The following NOX1 variants were observed in gnomAD, a reference collection of about 807,000 sequenced individuals.
The protein encoded by NOX1 is NADPH oxidase 1.
In NOX1, 34 loss-of-function variants were observed where a neutral mutation model predicts 42.5. The ratio of observed to expected loss-of-function variants is 0.80; its 90% CI spans 0.61 to 1.07. The LOEUF (loss-of-function observed/expected upper bound fraction) is 1.07, where lower values mean the gene tolerates loss of function less well. Among genes scored for constraint, NOX1 ranks in the 50% least tolerant of loss-of-function variants. The pLI is 0.00. For synonymous variants in NOX1, 143 were observed against 152.5 expected (o/e 0.94, Z 0.46); for missense variants, 408 against 427.0 (o/e 0.96, Z 0.39).
chrX:100,853,242 TTTCCTTCCTTCCTTCC>T (rs746546716), intron 7 of NOX1, among the ~76,000 whole-genome samples: 4 of 57,648 alleles, frequency 6.9e-5, no homozygotes, highest in Non-Finnish European at 1.2e-4. Flanking sequence ...TTTTTCTTTC[TTTCCTTCCTTCCTTCC>T]TTCCTTTCTT....
intron 8 of NOX1, 138 bp downstream of exon 8, chrX:100,851,095 C>T (rs2085111359): frequency 7.6e-6 from 3 of 393,970 alleles, no homozygotes; most frequent in Non-Finnish European, 1.3e-5. Flanking sequence ...CCTCCTTGGC[C>T]TCCCAAAGTG....
In NOX1 at chrX:100,855,750, C is replaced by T. The variant is rs139641396; in HGVS notation, c.805-4425G>A. ...GCCACCATGACCACTGAAGTTTCCT[C>T]CACAACCAAAGTTTTCATTCCCACC... On this transcript the variant is annotated intron_variant, in intron 7 of 12. Coordinates refer to ENST00000372966, the MANE Select transcript of NOX1 (RefSeq NM_007052.5). 8.4e-3 allele frequency: 8,661 copies of T among 1,035,482 alleles called. 31 individuals are homozygous for T. Among genetic ancestry groups the T allele is most frequent in the Non-Finnish European group, 0.01 (7,795 of 747,660 alleles). The allele number at this position is 1,035,482 out of a possible 1,213,427, so 85.3% of individuals were successfully genotyped here. A position where few individuals can be genotyped will look rare whatever the true frequency, so the allele number is the denominator to read the frequency against.
rs376946278 is a variant in NOX1, at chrX:100,862,769, C to A, written c.389G>T (p.Arg130Leu). 5 of 1,198,301 alleles carry A rather than the reference C, an allele frequency of 4.2e-6. No individual in the cohort carries two copies. The highest frequency in any genetic ancestry group is 2.4e-5 in the Admixed American group (1 of 42,246). Residue 130 changes from arginine to leucine, a missense_variant, in exon 5 of 13, where the codon CGA becomes CTA. Coordinates refer to ENST00000372966, the MANE Select transcript of NOX1 (RefSeq NM_007052.5). ...GGCAAGGGAGCCATCTGTGGCCTGT[C>A]GGCTTCTGCTATAGCAGTCAAAGTT... The part of the protein sequence containing the change: ...LFNFDCYSRS[R>L]QATDGSLASI...
At chrX:100,871,743 A>G (rs912817771) in intron 1 of NOX1, among the ~76,000 whole-genome samples, 6 of 111,283 alleles carry the variant, frequency 5.4e-5, no homozygotes, top group African/African-American at 2.0e-4. Flanking sequence ...GCGCTAGTAT[A>G]TATCCCTCGC....
At chrX:100,857,711 CTT>C (rs111819752) in intron 7 of NOX1, among the ~76,000 whole-genome samples, 6,132 of 93,837 alleles carry the variant, frequency 0.065, 454 homozygotes, top group African/African-American at 0.22. Flanking sequence ...CCTTTGCCCA[CTT>C]TTTTTTTTTT....
rs775931157 is a variant in NOX1, at chrX:100,862,474, G to A, written c.589C>T (p.Arg197Trp). 2.1e-5 allele frequency: 25 copies of A among 1,206,619 alleles called. No homozygotes were observed. The highest frequency in any genetic ancestry group is 2.4e-5 in the Non-Finnish European group (21 of 892,218). ...LMVTSATEFI[R>W]RSYFEVFWYT... ...CAGAAGACTTCAAAATAACTCCTCC[G>A]GATGAACTCAGTAGCTGAAGTTACC... Residue 197 changes from arginine (R) to tryptophan (W), a missense_variant, in exon 6 of 13, where the codon CGG becomes TGG. By Grantham distance (101) the Arg-to-Trp change is moderately radical. Coordinates refer to ENST00000372966, the MANE Select transcript of NOX1 (RefSeq NM_007052.5).
Position 100,849,495 on chromosome X carries a change from C to T in NOX1, c.1297-69G>A, listed in dbSNP as rs1472059116. 6 of 1,058,450 alleles carry T rather than the reference C, an allele frequency of 5.7e-6. No homozygotes were observed. In the African/African-American group the frequency reaches 7.5e-5, roughly 13 times the overall value. 87.2% of individuals were successfully genotyped at this position (1,058,450 alleles called of 1,213,427 possible). ...AAAGTCACATTTATAGAGCCGCAAA[C>T]TTTAGGCAGCAGGAATGTTCAGAGT... is the stretch of plus-strand genomic sequence containing the variant. On this transcript the variant is annotated intron_variant, in intron 10 of 12. Transcript: ENST00000372966.
intron 12 of NOX1, among the ~76,000 whole-genome samples, chrX:100,844,617 G>A (rs2085059845): frequency 9.1e-6 from 1 of 110,416 alleles, no homozygotes; most frequent in African/African-American, 3.3e-5. Flanking sequence ...ATTTTTATTA[G>A]AGATGGGGTT....
chrX:100,853,317 T>TCTTTCTTC (rs2085137838), intron 7 of NOX1, among the ~76,000 whole-genome samples: 1 of 73,872 alleles, frequency 1.4e-5, no homozygotes, highest in Non-Finnish European at 2.8e-5. Flanking sequence ...TTTCTTTCTT[T>TCTTTCTTC]CTTTCTCTCT....
In NOX1 at chrX:100,858,557, C is replaced by A. The variant is rs933206802; in HGVS notation, c.804+3614G>T. The stretch of plus-strand genomic sequence containing the variant: ...TTTTAATGATATTGATTCTTCCTAT[C>A]CATTAGTATGGAATGTTTTTCCATT... On this transcript the variant is annotated intron_variant, in intron 7 of 12. Coordinates refer to ENST00000372966, the MANE Select transcript of NOX1 (RefSeq NM_007052.5). Among the ~76,000 whole-genome samples, 8 of 111,603 alleles carry A rather than the reference C, an allele frequency of 7.2e-5. No homozygotes were observed. The South Asian group carries it at 2.6e-3, about 36-fold the overall frequency.
At chrX:100,854,582 TC>T (rs1382962910) in intron 7 of NOX1, among the ~76,000 whole-genome samples, 1 of 112,025 alleles carries the variant, frequency 8.9e-6, no homozygotes, top group Non-Finnish European at 1.9e-5. Flanking sequence ...ATCTTTTTTT[TC>T]AAGAGAATTA....
chrX:100,863,026 C>T, intron 4 of NOX1, 133 bp downstream of exon 4: 1 of 615,379 alleles, frequency 1.6e-6, no homozygotes, highest in Non-Finnish European at 2.7e-6. Flanking sequence ...TCCATGAAAA[C>T]AGGCCAAGAA....
intron 7 of NOX1, among the ~76,000 whole-genome samples, chrX:100,853,654 GC>G (rs1339226892): frequency 9.6e-6 from 1 of 104,572 alleles, no homozygotes; most frequent in African/African-American, 3.5e-5. Context: ...ACCTGCCTCA[GC>G]CTCCCAATTA....
chrX:100,857,711 CTTT>C (rs111819752), intron 7 of NOX1, among the ~76,000 whole-genome samples: 78 of 93,893 alleles, frequency 8.3e-4, no homozygotes, highest in African/African-American at 2.9e-3. Flanking sequence ...CCTTTGCCCA[CTTT>C]TTTTTTTTTT....
intron 2 of NOX1, among the ~76,000 whole-genome samples, chrX:100,866,572 T>C (rs1486466635): frequency 9.1e-6 from 1 of 109,698 alleles, no homozygotes; most frequent in African/African-American, 3.3e-5. Context: ...ACTTATACAC[T>C]TCTATTCGCT....
At chrX:100,872,537 C>G (rs931138914) in intron 1 of NOX1, among the ~76,000 whole-genome samples, 1 of 110,757 alleles carries the variant, frequency 9.0e-6, no homozygotes, top group African/African-American at 3.3e-5. Context: ...GAGTATATGT[C>G]AGAGATAATG....
intron 7 of NOX1, among the ~76,000 whole-genome samples, chrX:100,854,708 T>C (rs938231940): frequency 7.1e-5 from 8 of 112,321 alleles, no homozygotes; most frequent in East Asian, 2.8e-4. Context: ...TGCCAACAAT[T>C]ATTTTTATAA....
intron 2 of NOX1, among the ~76,000 whole-genome samples, chrX:100,868,330 TG>T (rs1275852967): frequency 1.8e-5 from 2 of 111,950 alleles, no homozygotes; most frequent in Non-Finnish European, 3.8e-5. Context: ...ACTGAAAAAA[TG>T]ACACTGTCAA....
chrX:100,858,026 C>T (rs1448183718), intron 7 of NOX1, among the ~76,000 whole-genome samples: 1 of 111,631 alleles, frequency 9.0e-6, no homozygotes, highest in Non-Finnish European at 1.9e-5. Context: ...CCTAGGTTGT[C>T]TTCCAGGGTG....
Sources: allele counts gnomAD v4.1 joint callset (sites outside exome capture counted in the v4.1 genomes callset), GRCh38; gene constraint gnomAD v4.1.1; transcripts MANE v1.5; gene names NCBI Gene and HGNC (gene_info 2026-07-23, HGNC 2026-07-21).